The following SGCZ variants were observed in gnomAD, a reference collection of about 807,000 sequenced individuals.
SGCZ encodes sarcoglycan zeta, also known as zeta-sarcoglycan.
SGCZ carries 40 observed loss-of-function variants against 41.3 expected under a neutral mutation model. The ratio of observed to expected loss-of-function variants is 0.97; its 90% CI spans 0.75 to 1.26. The LOEUF (loss-of-function observed/expected upper bound fraction) is 1.26, where lower values mean the gene tolerates loss of function less well. Ranked by LOEUF, SGCZ falls within the 50% of genes most tolerant of loss-of-function variation. SGCZ has a pLI of 0.00. For synonymous variants in SGCZ, 206 were observed against 137.5 expected, an observed-to-expected ratio of 1.50 and a Z score of -3.49; for missense variants, 552 against 369.8, an observed-to-expected ratio of 1.49 and a Z score of -4.04.
At chr8:14,713,371 T>C (rs943183608) in intron 1 of SGCZ, among the ~76,000 whole-genome samples, 1 of 152,168 alleles carries the variant, frequency 6.6e-6, no homozygotes, top group Non-Finnish European at 1.5e-5. Context: ...CTATAATTTG[T>C]CACCATTATT....
At chr8:14,568,580 G>T (rs981547770) in intron 1 of SGCZ, among the ~76,000 whole-genome samples, 1 of 151,572 alleles carries the variant, frequency 6.6e-6, no homozygotes, top group East Asian at 1.9e-4. Flanking sequence ...AAACTCCTTT[G>T]CTTGCAATTC....
At chr8:14,931,982 C>T (rs1440729800) in intron 1 of SGCZ, among the ~76,000 whole-genome samples, 2 of 151,838 alleles carry the variant, frequency 1.3e-5, no homozygotes, top group African/African-American at 4.9e-5. Flanking sequence ...AAAGTGAGTC[C>T]TGCATCATAT....
At chr8:14,941,060 AC>A (rs1800259430) in intron 1 of SGCZ, among the ~76,000 whole-genome samples, 1 of 152,102 alleles carries the variant, frequency 6.6e-6, no homozygotes, top group East Asian at 1.9e-4. Context: ...GGCAACAAAT[AC>A]CATTTTTACC....
At chr8:14,110,707 A>C (rs1389990788) in intron 5 of SGCZ, among the ~76,000 whole-genome samples, 1 of 152,156 alleles carries the variant, frequency 6.6e-6, no homozygotes, top group African/African-American at 2.4e-5. Flanking sequence ...GGAAATCAGT[A>C]AGGGATGATA....
chr8:14,189,691 C>T (rs1348123274), intron 4 of SGCZ, among the ~76,000 whole-genome samples: 1 of 152,172 alleles, frequency 6.6e-6, no homozygotes, highest in African/African-American at 2.4e-5. Flanking sequence ...TGTTGGTGGC[C>T]TTACCTGACC....
At chr8:14,232,709 G>C (rs756824732) in intron 4 of SGCZ, among the ~76,000 whole-genome samples, 2 of 151,828 alleles carry the variant, frequency 1.3e-5, no homozygotes, top group Non-Finnish European at 2.9e-5. Context: ...CCATTAACTC[G>C]TCATTTAGCA....
chr8:15,185,134 G>C lies in SGCZ; in HGVS notation c.39+52451C>G, dbSNP rs548175388. Among the ~76,000 whole-genome samples the C allele has an allele frequency of 1.1e-4, 16 of 152,224 alleles. 1 individual carries two copies. The highest frequency in any genetic ancestry group is 6.8e-3 in the Middle Eastern group (2 of 294). ...TCAGGGCAATTTTAATTGGGAACTA[G>C]GTAAACCTCACACACTCTCTGAAGC... is the stretch of plus-strand genomic sequence containing the variant. On this transcript the variant is annotated intron_variant, in intron 1 of 7. Coordinates refer to ENST00000382080, the MANE Select transcript of SGCZ (RefSeq NM_139167.4).
chr8:14,120,965 G>A (rs1050140312), intron 5 of SGCZ, among the ~76,000 whole-genome samples: 2 of 152,044 alleles, frequency 1.3e-5, no homozygotes, highest in African/African-American at 4.8e-5. Flanking sequence ...GGAATAATAA[G>A]GCAATCTGAA....
chr8:14,582,672 C>T (rs1169527656), intron 1 of SGCZ, among the ~76,000 whole-genome samples: 1 of 120,926 alleles, frequency 8.3e-6, no homozygotes, highest in African/African-American at 3.2e-5. Context: ...CCCCACCCCA[C>T]AACAGTCCCC....
chr8:14,247,868 T>C (rs964308633), intron 3 of SGCZ, among the ~76,000 whole-genome samples: 8 of 152,200 alleles, frequency 5.3e-5, no homozygotes, highest in African/African-American at 1.9e-4. Flanking sequence ...AGACTGCATG[T>C]TGACTAAGTA....
intron 2 of SGCZ, among the ~76,000 whole-genome samples, chr8:14,490,623 G>T (rs1271609733): frequency 6.6e-6 from 1 of 152,136 alleles, no homozygotes; most frequent in Non-Finnish European, 1.5e-5. Context: ...GTGTTGATTT[G>T]ATCATCCAAC....
intron 1 of SGCZ, among the ~76,000 whole-genome samples, chr8:14,867,117 C>G (rs535907577): frequency 6.6e-6 from 1 of 152,224 alleles, no homozygotes; most frequent in South Asian, 2.1e-4. Context: ...GTTTTTCTGT[C>G]TCCACTTTCT....
intron 1 of SGCZ, among the ~76,000 whole-genome samples, chr8:14,703,992 T>G (rs1809250927): frequency 6.6e-6 from 1 of 152,060 alleles, no homozygotes; most frequent in Admixed American, 6.6e-5. Context: ...ATAATTGTGA[T>G]TCTTTCTCTA....
chr8:14,141,752 G>C (rs1405452348), intron 5 of SGCZ, among the ~76,000 whole-genome samples: 1 of 152,222 alleles, frequency 6.6e-6, no homozygotes, highest in African/African-American at 2.4e-5. Context: ...GTGGAAGAGA[G>C]TGTGGCAATT....
intron 2 of SGCZ, among the ~76,000 whole-genome samples, chr8:14,540,220 A>ATTTTTTTTTTTTTTTTTTTTT (rs11428713): frequency 2.1e-5 from 1 of 48,718 alleles, no homozygotes; most frequent in African/African-American, 8.1e-5. Flanking sequence ...TCTCTGCTTA[A>ATTTTTTTTTTTTTTTTTTTTT]TTTTTTTTTT....
chr8:14,159,714 T>C (rs1355359917), intron 5 of SGCZ, among the ~76,000 whole-genome samples: 1 of 152,186 alleles, frequency 6.6e-6, no homozygotes, highest in African/African-American at 2.4e-5. Context: ...AGCGGCTCCA[T>C]CCTGCTGCCG....
chr8:14,311,824 A>C (rs1487241591), intron 3 of SGCZ, among the ~76,000 whole-genome samples: 2 of 152,190 alleles, frequency 1.3e-5, no homozygotes, highest in Admixed American at 6.5e-5. Context: ...ATACACTGTA[A>C]TAAAAAGTTT....
At chr8:14,275,615 T>C (rs1302474371) in intron 3 of SGCZ, among the ~76,000 whole-genome samples, 4 of 152,158 alleles carry the variant, frequency 2.6e-5, no homozygotes, top group Non-Finnish European at 1.5e-5. Context: ...AGGAATACTG[T>C]CCTGAGCTAG....
chr8:14,156,928 T>C (rs1414072246), intron 5 of SGCZ, among the ~76,000 whole-genome samples: 4 of 152,288 alleles, frequency 2.6e-5, no homozygotes, highest in Non-Finnish European at 5.9e-5. Flanking sequence ...GTTCTCCAGT[T>C]AACTTTTTTT....
Sources: allele counts gnomAD v4.1 joint callset (sites outside exome capture counted in the v4.1 genomes callset), GRCh38; gene constraint gnomAD v4.1.1; transcripts MANE v1.5; gene names NCBI Gene and HGNC (gene_info 2026-07-23, HGNC 2026-07-21).